The following SMAD3 variants were observed in gnomAD, a reference collection of about 807,000 sequenced individuals.
The protein encoded by SMAD3 is SMAD family member 3, also known as MAD homolog 3.
Under a neutral mutation model 51.8 loss-of-function variants are expected in SMAD3, and 12 were observed. That is an observed-to-expected ratio of 0.23 (90% CI 0.15 to 0.38). The LOEUF is 0.38. Among genes scored for constraint, SMAD3 ranks in the 10% least tolerant of loss-of-function variants. SMAD3 has a pLI of 1.00. For synonymous variants in SMAD3, 238 were observed against 227.7 expected, an observed-to-expected ratio of 1.05 and a Z score of -0.41; for missense variants, 294 against 565.6, an observed-to-expected ratio of 0.52 and a Z score of 4.87.
In SMAD3 at chr15:67,187,426, C is replaced by T; in HGVS notation, c.1071C>T (p.Asn357=). Residue 357 remains asparagine, a synonymous_variant, in exon 8 of 9, where the codon AAC becomes AAT. Transcript: ENST00000327367. ...EFAALLAQSV[N]QGFEAVYQLT... ...CTGCCCTCCTGGCCCAGTCGGTCAA[C>T]CAGGGCTTTGAGGCTGTCTACCAGT... The T allele has an allele frequency of 6.2e-7, 1 of 1,614,170 alleles. No individual in the cohort carries two copies. The highest frequency in any genetic ancestry group is 2.2e-5 in the East Asian group (1 of 44,882).
At chr15:67,123,856 A>G (rs1331506422) in intron 1 of SMAD3, among the ~76,000 whole-genome samples, 1 of 152,222 alleles carries the variant, frequency 6.6e-6, no homozygotes. Context: ...CAGAGTATCC[A>G]AAAAGCCTGG....
At position 67,151,759 on chromosome 15, in the gene SMAD3, T is replaced by A. The variant is rs565910843; in HGVS notation, c.207-13136T>A. Among the ~76,000 whole-genome samples the A allele has an allele frequency of 2.5e-3, 378 of 152,348 alleles. 1 individual carries two copies. Among genetic ancestry groups the A allele is most frequent in the African/African-American group, 8.9e-3 (370 of 41,572 alleles). On this transcript the variant is annotated intron_variant, in intron 1 of 8. Coordinates refer to ENST00000327367, the MANE Select transcript of SMAD3 (RefSeq NM_005902.4). ...GTTTTGATACATATTAATGTCATTA[T>A]GGTGATCACATCAGGTTAATTAGCA...
chr15:67,189,469 A>T (rs1963304702), intron 8 of SMAD3, among the ~76,000 whole-genome samples: 1 of 152,224 alleles, frequency 6.6e-6, no homozygotes, highest in African/African-American at 2.4e-5. Context: ...ACCACGCGGG[A>T]TGTCCTGCCA....
intron 1 of SMAD3, chr15:67,137,917 G>T: frequency 4.0e-6 from 3 of 744,482 alleles, no homozygotes; most frequent in South Asian, 1.6e-5. Flanking sequence ...TCTTCTGTTA[G>T]CGACAGAGAA....
At chr15:67,069,614 C>A (rs1221898204) in intron 1 of SMAD3, among the ~76,000 whole-genome samples, 5 of 152,048 alleles carry the variant, frequency 3.3e-5, no homozygotes, top group African/African-American at 1.2e-4. Flanking sequence ...GGAATTTGGG[C>A]TTTCTTGTGT....
intron 1 of SMAD3, among the ~76,000 whole-genome samples, chr15:67,101,592 T>C (rs1449892404): frequency 6.6e-6 from 1 of 152,178 alleles, no homozygotes; most frequent in African/African-American, 2.4e-5. Context: ...GTAATTGAAT[T>C]AAATATCTGT....
At chr15:67,078,427 A>G (rs775871943) in intron 1 of SMAD3, among the ~76,000 whole-genome samples, 9 of 152,216 alleles carry the variant, frequency 5.9e-5, no homozygotes, top group Non-Finnish European at 1.3e-4. Context: ...TCCAGACCAC[A>G]CTGCAATCAG....
chr15:67,102,247 A>AGT (rs56983970), intron 1 of SMAD3, among the ~76,000 whole-genome samples: 14,755 of 149,150 alleles, frequency 0.099, 784 homozygotes, highest in Middle Eastern at 0.14. Context: ...ATGCTGTGAA[A>AGT]GTGTGTGTGT....
chr15:67,103,360 C>G (rs1383054014), intron 1 of SMAD3, among the ~76,000 whole-genome samples: 2 of 152,216 alleles, frequency 1.3e-5, no homozygotes, highest in African/African-American at 4.8e-5. Flanking sequence ...CAGGACCCAC[C>G]TTGACTGTAT....
intron 6 of SMAD3, among the ~76,000 whole-genome samples, chr15:67,183,085 C>G (rs1271866000): frequency 7.8e-6 from 1 of 128,502 alleles, no homozygotes; most frequent in Non-Finnish European, 1.6e-5. Flanking sequence ...TCTTGTCTCC[C>G]AGGCTGGAGT....
chr15:67,075,369 C>T (rs1960145833), intron 1 of SMAD3, among the ~76,000 whole-genome samples: 2 of 152,182 alleles, frequency 1.3e-5, no homozygotes, highest in South Asian at 2.1e-4. Flanking sequence ...GTTGTGCCAA[C>T]CCTTTACATT....
rs751618894 is a variant in SMAD3, at chr15:67,066,377, G to A, written c.206+17G>A. The A allele has an allele frequency of 5.6e-6, 9 of 1,605,394 alleles. No homozygotes were observed. Among genetic ancestry groups the A allele is most frequent in the Admixed American group, 1.7e-5 (1 of 59,658 alleles). The stretch of plus-strand genomic sequence containing the variant: ...CATCCCCAGGTGGGGGCCCGCCCGG[G>A]GGGGACCCGGGGTCACGCCGGCCCA... On this transcript the variant is annotated intron_variant, in intron 1 of 8. Transcript: ENST00000327367.
intron 3 of SMAD3, chr15:67,166,037 C>A: frequency 3.6e-6 from 1 of 279,790 alleles, no homozygotes; most frequent in Non-Finnish European, 5.5e-6. Flanking sequence ...TGCTGCGTTC[C>A]TCTTAGAGCA....
In SMAD3 at chr15:67,164,926, C is replaced by A. The variant is rs750707381; in HGVS notation, c.238C>A (p.Arg80=). ...SLDGRLQVSH[R]KGLPHVIYCR... ...GGATGGCCGGTTGCAGGTGTCCCAT[C>A]GGAAGGGGCTCCCTCATGTCATCTA... The change falls in exon 2 of 9, where the codon CGG becomes AGG. Residue 80 remains arginine (R), a synonymous_variant. Transcript: ENST00000327367. 6.2e-7 allele frequency: 1 copy of A among 1,613,390 alleles called. No homozygotes were observed. Among genetic ancestry groups the A allele is most frequent in the Non-Finnish European group, 8.5e-7 (1 of 1,180,040 alleles).
intron 4 of SMAD3, 90 bp from the exon 5 acceptor site, chr15:67,170,464 C>G: frequency 9.4e-7 from 1 of 1,062,644 alleles, no homozygotes; most frequent in South Asian, 1.2e-5. Flanking sequence ...CTGTGTTGGG[C>G]TACCCCTCCT....
intron 1 of SMAD3, among the ~76,000 whole-genome samples, chr15:67,136,911 A>G (rs555507277): frequency 6.6e-6 from 1 of 152,288 alleles, no homozygotes; most frequent in South Asian, 2.1e-4. Flanking sequence ...CCCATTGACC[A>G]TAGGATATGT....
At chr15:67,181,110 G>GC in intron 5 of SMAD3, 131 bp from the exon 6 acceptor site, 1 of 738,326 alleles carries the variant, frequency 1.4e-6, no homozygotes, top group Non-Finnish European at 2.4e-6. Context: ...ACGATAAAAG[G>GC]CATGGGGTAG....
Position 67,192,733 on chromosome 15 carries a change from TG to T in SMAD3, c.*2199del, listed in dbSNP as rs1309049359. On this transcript the variant is annotated 3_prime_UTR_variant, in exon 9 of 9. Transcript: ENST00000327367. ...CTGATTCTGGTGATCCAGTGATCTA[TG>T]GAAGTCGTGTCTTACTCCAGGTGAA... 2 of 233,096 alleles carry T rather than the reference TG, an allele frequency of 8.6e-6. No individual in the cohort carries two copies. The allele number at this position is 233,096 out of a possible 1,614,324, so 14.4% of individuals were successfully genotyped here.
chr15:67,087,431 T>C (rs1960417264), intron 1 of SMAD3, among the ~76,000 whole-genome samples: 1 of 152,214 alleles, frequency 6.6e-6, no homozygotes, highest in African/African-American at 2.4e-5. Flanking sequence ...CTCTTTTCTC[T>C]TTGGACCCTA....
Sources: allele counts gnomAD v4.1 joint callset (sites outside exome capture counted in the v4.1 genomes callset), GRCh38; gene constraint gnomAD v4.1.1; transcripts MANE v1.5; gene names NCBI Gene and HGNC (gene_info 2026-07-23, HGNC 2026-07-21).